The following RAP1B variants were observed in gnomAD, a reference collection of about 807,000 sequenced individuals.
RAP1B encodes ras-related protein Rap-1b.
Under a neutral mutation model 27.5 loss-of-function variants are expected in RAP1B, and 1 was observed. The ratio of observed to expected loss-of-function variants is 0.04; its 90% confidence interval spans 0.01 to 0.17. The LOEUF (loss-of-function observed/expected upper bound fraction) is 0.17. Ranked by LOEUF, RAP1B falls within the 10% of genes least tolerant of loss-of-function variation. RAP1B has a pLI of 1.00. For missense variants in RAP1B, 84 were observed against 214.8 expected, an observed-to-expected ratio of 0.39 and a Z score of 3.81; for synonymous variants, 75 against 73.1, an observed-to-expected ratio of 1.03 and a Z score of -0.13.
intron 1 of RAP1B, among the ~76,000 whole-genome samples, chr12:68,618,629 C>T (rs1019303601): frequency 6.6e-6 from 1 of 152,050 alleles, no homozygotes; most frequent in Non-Finnish European, 1.5e-5. Flanking sequence ...GACATTTGTA[C>T]CTGTAGTATA....
chr12:68,647,382 T>TCCCCCCCCCCCCCCCC (rs1565670496), intron 1 of RAP1B, among the ~76,000 whole-genome samples: 2 of 1,932 alleles, frequency 1.0e-3, no homozygotes, highest in Non-Finnish European at 1.9e-3. Context: ...CCCACTCCAC[T>TCCCCCCCCCCCCCCCC]CCCCGCCCCC....
chr12:68,629,852 G>C (rs1872107396), intron 1 of RAP1B, among the ~76,000 whole-genome samples: 1 of 152,118 alleles, frequency 6.6e-6, no homozygotes, highest in Admixed American at 6.6e-5. Context: ...ATTCTTTATA[G>C]GTGTTTTGAT....
intron 1 of RAP1B, among the ~76,000 whole-genome samples, chr12:68,611,677 G>C (rs1443545676): frequency 1.3e-5 from 2 of 152,170 alleles, no homozygotes; most frequent in African/African-American, 4.8e-5. Context: ...GCAGGAGGAA[G>C]GCAGCGGAGA....
Position 68,659,428 on chromosome 12 carries a change from G to C in RAP1B, c.*179G>C, listed in dbSNP as rs1874473749. 9.9e-5 allele frequency: 38 copies of C among 382,568 alleles called. 1 individual carries two copies. The highest frequency in any genetic ancestry group is 7.3e-4 in the South Asian group (38 of 52,230). The allele number at this position is 382,568 out of a possible 1,614,324, so 23.7% of individuals were successfully genotyped here. A position where few individuals can be genotyped will look rare whatever the true frequency, so the allele number is the denominator to read the frequency against. Reference sequence around the variant, plus strand: ...GTTTGCACATTCTAATCACTTTCCAGTATCACAAGAGAGATTTTTACTTAT... The same window carrying C: ...GTTTGCACATTCTAATCACTTTCCACTATCACAAGAGAGATTTTTACTTAT... On this transcript the variant is annotated 3_prime_UTR_variant, in exon 8 of 8. Transcript: ENST00000250559.
Position 68,663,668 on chromosome 12 carries a change from C to T in RAP1B, c.*4419C>T, listed in dbSNP as rs1008495402. On this transcript the variant is annotated 3_prime_UTR_variant, in exon 8 of 8. Coordinates refer to ENST00000250559, the MANE Select transcript of RAP1B (RefSeq NM_001010942.3). ...TTTAAACTTGCTTCTTAAAACATCC[C>T]TGTTGGTGGCCTGTAGGTTACTGAC... The T allele has an allele frequency of 6.6e-6, 1 of 152,160 alleles. No individual in the cohort carries two copies. Among genetic ancestry groups the T allele is most frequent in the African/African-American group, 2.4e-5 (1 of 41,432 alleles). The allele number at this position is 152,160 out of a possible 1,614,324, so 9.4% of individuals were successfully genotyped here.
rs1184402761 is a variant in RAP1B at position 68,669,302 on chromosome 12, C to T, written c.*10053C>T. On this transcript the variant is annotated 3_prime_UTR_variant, in exon 8 of 8. Coordinates refer to ENST00000250559, the MANE Select transcript of RAP1B (RefSeq NM_001010942.3). ...TGGGAAGATAATATCATAAAAATAT[C>T]AATTCCCCCAAATTAGCATGTTAAT... 8.5e-5 allele frequency: 13 copies of T among 152,158 alleles called. No individual in the cohort carries two copies. Among genetic ancestry groups the T allele is most frequent in the Non-Finnish European group, 1.8e-4 (12 of 68,042 alleles). 9.4% of individuals were successfully genotyped at this position (152,158 alleles called of 1,614,324 possible).
chr12:68,611,772 T>A (rs897509848), intron 1 of RAP1B, among the ~76,000 whole-genome samples: 2 of 152,188 alleles, frequency 1.3e-5, no homozygotes, highest in Non-Finnish European at 2.9e-5. Context: ...AGGAAATCTC[T>A]TTCTCTTAGA....
intron 1 of RAP1B, chr12:68,643,056 A>C (rs539007236): frequency 2.9e-6 from 2 of 695,654 alleles, no homozygotes; most frequent in Admixed American, 2.4e-5. Context: ...AACTTCTTGA[A>C]GGTTGTTCAT....
intron 1 of RAP1B, chr12:68,626,888 C>T: frequency 1.3e-6 from 2 of 1,577,708 alleles, no homozygotes. Context: ...GCAGGGCCCG[C>T]CACTTGTCCA....
At chr12:68,651,885 AGTT>A in intron 3 of RAP1B, 107 bp from the exon 4 acceptor site, 3 of 764,968 alleles carry the variant, frequency 3.9e-6, no homozygotes, top group Non-Finnish European at 4.3e-6. Flanking sequence ...TAGTTTGTAA[AGTT>A]GTTAAAATCT....
intron 5 of RAP1B, among the ~76,000 whole-genome samples, chr12:68,654,720 G>A (rs1430438695): frequency 2.6e-5 from 4 of 151,756 alleles, no homozygotes; most frequent in Admixed American, 1.3e-4. Flanking sequence ...CTTGTGATCC[G>A]CCTGCCTCAG....
chr12:68,615,637 G>T (rs1870931754), intron 1 of RAP1B, among the ~76,000 whole-genome samples: 1 of 151,858 alleles, frequency 6.6e-6, no homozygotes, highest in African/African-American at 2.4e-5. Flanking sequence ...TACTAGAAAT[G>T]TTCTTTTGAG....
chr12:68,628,020 C>G (rs1013486590), intron 1 of RAP1B, among the ~76,000 whole-genome samples: 1 of 152,086 alleles, frequency 6.6e-6, no homozygotes, highest in Non-Finnish European at 1.5e-5. Context: ...GTGGGTAGAT[C>G]GCTTGAGCCC....
At chr12:68,642,337 TAAAA>T (rs752969138) in intron 1 of RAP1B, among the ~76,000 whole-genome samples, 2 of 151,336 alleles carry the variant, frequency 1.3e-5, no homozygotes, top group African/African-American at 2.4e-5. Context: ...AGAATGATAT[TAAAA>T]AAAAAGTTGT....
At position 68,637,560 on chromosome 12, in the gene RAP1B, C is replaced by G. The variant is rs949687666; in HGVS notation, c.-26-11139C>G. Among the ~76,000 whole-genome samples the G allele has an allele frequency of 6.0e-5, 8 of 132,532 alleles. No individual in the cohort carries two copies. In the South Asian group the frequency reaches 1.6e-3, roughly 27 times the overall value. 86.9% of individuals were successfully genotyped at this position (132,532 alleles called of 152,430 possible). On this transcript the variant is annotated intron_variant, in intron 1 of 7. Transcript: ENST00000250559. ...TGCAGTGAGCTGAGATCACACACCACTGCACTCCAGCCTGGGTGACAAGAG... is the reference window on the plus strand; with the variant it reads ...TGCAGTGAGCTGAGATCACACACCAGTGCACTCCAGCCTGGGTGACAAGAG...
At position 68,662,567 on chromosome 12, in the gene RAP1B, T is replaced by C. The variant is rs1053190846; in HGVS notation, c.*3318T>C. 6.6e-6 allele frequency: 1 copy of C among 152,152 alleles called. No individual in the cohort carries two copies. The highest frequency in any genetic ancestry group is 2.4e-5 in the African/African-American group (1 of 41,446). 9.4% of individuals were successfully genotyped at this position (152,152 alleles called of 1,614,324 possible). A position where few individuals can be genotyped will look rare whatever the true frequency, so the allele number is the denominator to read the frequency against. ...GAATCGAAACTCATCACTACAACTT[T>C]TCTTTGAGTTAAACTCTTATCTGTG... is the stretch of plus-strand genomic sequence containing the variant. On this transcript the variant is annotated 3_prime_UTR_variant, in exon 8 of 8. Coordinates refer to ENST00000250559, the MANE Select transcript of RAP1B (RefSeq NM_001010942.3).
chr12:68,611,716 C>T (rs938393136), intron 1 of RAP1B, among the ~76,000 whole-genome samples: 1 of 152,112 alleles, frequency 6.6e-6, no homozygotes, highest in Admixed American at 6.5e-5. Context: ...CAGCAGCCAC[C>T]GTGTAGAGAA....
chr12:68,650,440 A>T lies in RAP1B; in HGVS notation c.98A>T (p.Asp33Val). ...CAAGGAATTTTTGTAGAAAAATACGATCCTACGATAGAAGATTCTTATAGA... is the reference window on the plus strand; with the variant it reads ...CAAGGAATTTTTGTAGAAAAATACGTTCCTACGATAGAAGATTCTTATAGA... ...FVQGIFVEKY[D>V]PTIEDSYRKQ... The change falls in exon 3 of 8, where the codon GAT becomes GTT. Residue 33 changes from aspartate to valine, a missense_variant. Asp to Val is a radical substitution (Grantham distance 152). Transcript: ENST00000250559. The T allele has an allele frequency of 6.4e-7, 1 of 1,565,098 alleles. No individual in the cohort carries two copies.
chr12:68,660,086 C>T lies in RAP1B; in HGVS notation c.*837C>T, dbSNP rs1183848664. 1 of 122,720 alleles carries T rather than the reference C, an allele frequency of 8.1e-6. No homozygotes were observed. Among genetic ancestry groups the T allele is most frequent in the African/African-American group, 3.3e-5 (1 of 30,452 alleles). 7.6% of individuals were successfully genotyped at this position (122,720 alleles called of 1,614,324 possible). ...AGGCTTCTGCAGCTGTAGATTCTCA[C>T]TGTGAATCCCTTGCTTGCTCATGCA... is the stretch of plus-strand genomic sequence containing the variant. On this transcript the variant is annotated 3_prime_UTR_variant, in exon 8 of 8. Transcript: ENST00000250559.
Sources: gnomAD v4.1 joint callset for allele counts (sites outside exome capture counted in the v4.1 genomes callset) on GRCh38, gnomAD v4.1.1 for gene constraint, MANE v1.5 for transcripts, NCBI Gene and HGNC (gene_info 2026-07-23, HGNC 2026-07-21) for gene names.